Variants in CAPS2 observed in about 807,000 individuals in gnomAD.
The protein encoded by CAPS2 is calcyphosin-2.
In CAPS2, 98 loss-of-function variants were observed where a neutral mutation model predicts 86.5. The observed-to-expected ratio is 1.13, with a 90% CI of 0.96 to 1.34. CAPS2 has a LOEUF of 1.34. Ranked by LOEUF, CAPS2 falls within the 40% of genes most tolerant of loss-of-function variation. The probability of loss-of-function intolerance (pLI) is 0.00; values close to 1 mark genes in which losing one functional copy is unlikely to be tolerated. For missense variants in CAPS2, 729 were observed against 686.8 expected (o/e 1.06, Z -0.69); for synonymous variants, 210 against 225.1 (o/e 0.93, Z 0.60).
In CAPS2 at chr12:75,289,965, A is replaced by G. The variant is rs573037660; in HGVS notation, c.1241-190T>C. The stretch of plus-strand genomic sequence containing the variant: ...TTTAATCAAGAGGATTAAACATAAA[A>G]TCACATGTAAATATGCCAGAACTAT... On this transcript the variant is annotated intron_variant, in intron 13 of 16. Coordinates refer to ENST00000393284, the Ensembl canonical transcript of CAPS2. 2.6e-5 allele frequency among the ~76,000 whole-genome samples: 4 copies of G among 152,328 alleles called. No homozygotes were observed. The South Asian group carries it at 8.3e-4, about 32-fold the overall frequency.
intron 13 of CAPS2, 106 bp from the exon 14 acceptor site, chr12:75,289,881 G>A (rs1324003195): frequency 1.3e-6 from 1 of 783,084 alleles, no homozygotes; most frequent in Non-Finnish European, 2.1e-6. Flanking sequence ...CTGAAATAAG[G>A]AATGTGAATA....
intron 1 of CAPS2, chr12:75,369,616 A>C: frequency 1.0e-6 from 1 of 984,920 alleles, no homozygotes; most frequent in Non-Finnish European, 1.2e-6. Flanking sequence ...TCTGCATACA[A>C]AAAATTCAAC....
chr12:75,291,587 ATATATATATATATATATATATATATT>A (rs1205134854), intron 13 of CAPS2, among the ~76,000 whole-genome samples, 131 bp downstream of exon 13: 7 of 82,114 alleles, frequency 8.5e-5, no homozygotes, highest in South Asian at 1.0e-3. Context: ...ATATATATAT[ATATATATATATATATATATATATATT>A]CTTTTTTAAA....
intron 1 of CAPS2, among the ~76,000 whole-genome samples, chr12:75,384,570 A>C (rs923616237): frequency 6.6e-6 from 1 of 152,228 alleles, no homozygotes; most frequent in African/African-American, 2.4e-5. Context: ...ATTCTACCAA[A>C]AATTTAAAGA....
intron 15 of CAPS2, among the ~76,000 whole-genome samples, chr12:75,283,980 A>T (rs2138088048): frequency 6.6e-6 from 1 of 152,292 alleles, no homozygotes; most frequent in East Asian, 1.9e-4. Context: ...GAGCTATGAG[A>T]CAATAAATTT....
exon 17 of CAPS2, chr12:75,277,737 T>C (rs1439908101): frequency 1.2e-6 from 1 of 832,350 alleles, no homozygotes; most frequent in African/African-American, 1.8e-5. Flanking sequence ...ACAAAGTAAA[T>C]ATTTTCATTT....
Position 75,325,227 on chromosome 12 carries a change from A to C in CAPS2, c.131+12T>G, listed in dbSNP as rs1177588243. The C allele has an allele frequency of 6.5e-7, 1 of 1,548,500 alleles. No homozygotes were observed. Among genetic ancestry groups the C allele is most frequent in the Admixed American group, 2.0e-5 (1 of 50,616 alleles). On this transcript the variant is annotated intron_variant, in intron 2 of 16. Transcript: ENST00000393284. The stretch of plus-strand genomic sequence containing the variant: ...CCATTAAACAGTCCAAATGTGAAGA[A>C]ACGTAACTTACACTGGTGGGCAAGA...
chr12:75,367,631 AT>A (rs1268314253), intron 1 of CAPS2, among the ~76,000 whole-genome samples: 2 of 152,246 alleles, frequency 1.3e-5, no homozygotes, highest in South Asian at 2.1e-4. Context: ...GCCTTAAAAA[AT>A]TTAAATGCTT....
chr12:75,298,751 C>CT lies in CAPS2; in HGVS notation c.979dup (p.Ser327LysfsTer4). 1 of 1,613,730 alleles carries CT rather than the reference C, an allele frequency of 6.2e-7. No homozygotes were observed. The highest frequency in any genetic ancestry group is 1.7e-5 in the Admixed American group (1 of 59,988). ...TCGTCCACACTGATGACTATAAATGCTTTTTTGAATAAAAGGAAGCACATT... is the reference window on the plus strand; with the variant it reads ...TCGTCCACACTGATGACTATAAATGCTTTTTTTGAATAAAAGGAAGCACATT... On this transcript the variant is annotated frameshift_variant, in exon 11 of 17. Coordinates refer to ENST00000393284, the Ensembl canonical transcript of CAPS2. LOFTEE classifies it high-confidence loss of function.
chr12:75,336,827 T>C (rs1410003478), intron 1 of CAPS2, among the ~76,000 whole-genome samples: 1 of 151,868 alleles, frequency 6.6e-6, no homozygotes, highest in Non-Finnish European at 1.5e-5. Flanking sequence ...TACAAATTTT[T>C]ATCAAGTATT....
upstream of CAPS2, chr12:75,330,056 T>C: frequency 2.4e-6 from 1 of 409,062 alleles, no homozygotes; most frequent in Non-Finnish European, 4.3e-6. Context: ...GGCCCGCGTC[T>C]GCAGGTTGCC....
At chr12:75,289,597 C>A (rs762632179) in intron 14 of CAPS2, 24 bp downstream of exon 14, 5 of 1,585,104 alleles carry the variant, frequency 3.2e-6, no homozygotes, top group Middle Eastern at 1.8e-4. Context: ...TTATCTGCTG[C>A]AGAGAATTTT....
At chr12:75,338,935 T>A (rs1363487739) in intron 1 of CAPS2, among the ~76,000 whole-genome samples, 3 of 152,218 alleles carry the variant, frequency 2.0e-5, no homozygotes, top group Non-Finnish European at 4.4e-5. Flanking sequence ...TTGATCTCAT[T>A]CCTTTTTATG....
intron 5 of CAPS2, among the ~76,000 whole-genome samples, chr12:75,316,717 C>A (rs1304282651): frequency 1.3e-5 from 2 of 152,070 alleles, no homozygotes; most frequent in Admixed American, 1.3e-4. Context: ...ATGTCCAACA[C>A]TTTATAAAAA....
chr12:75,308,921 A>AG lies in CAPS2; in HGVS notation c.659+3926_659+3927insC, dbSNP rs2038832122. Reference sequence around the variant, plus strand: ...CGGTCTCAAAAAAAAAAAAAAAAAAAAAGGGGGTAAGGAGCCCCCATGGCC... The same window carrying AG: ...CGGTCTCAAAAAAAAAAAAAAAAAAAGAAGGGGGTAAGGAGCCCCCATGGCC... On this transcript the variant is annotated intron_variant, in intron 7 of 16. Transcript: ENST00000393284. Among the ~76,000 whole-genome samples, 3 of 151,256 alleles carry AG rather than the reference A, an allele frequency of 2.0e-5. 1 individual carries two copies. The South Asian group carries it at 6.2e-4, about 31-fold the overall frequency.
chr12:75,293,452 AT>A (rs2036359782), intron 11 of CAPS2, 85 bp from the exon 12 acceptor site: 1 of 852,272 alleles, frequency 1.2e-6, no homozygotes, highest in Non-Finnish European at 1.9e-6. Context: ...ATGGATTTTG[AT>A]TAATGTGACA....
At chr12:75,291,641 T>C (rs1207063185) in intron 13 of CAPS2, 103 bp downstream of exon 13, 4 of 255,832 alleles carry the variant, frequency 1.6e-5, no homozygotes, top group African/African-American at 5.2e-5. Flanking sequence ...AGGGTAAATA[T>C]AAATCAAGTG....
chr12:75,329,996 T>C (rs2041152703), upstream of CAPS2: 1 of 720,164 alleles, frequency 1.4e-6, no homozygotes, highest in Non-Finnish European at 2.3e-6. Flanking sequence ...GCGCGATTCC[T>C]CCAAAAACCG....
intron 1 of CAPS2, among the ~76,000 whole-genome samples, chr12:75,383,419 G>A (rs1277814798): frequency 1.3e-5 from 2 of 151,916 alleles, no homozygotes; most frequent in Admixed American, 6.6e-5. Context: ...TTCAAAACAA[G>A]GAAAGTTATC....
Sources: allele counts gnomAD v4.1 joint callset (sites outside exome capture counted in the v4.1 genomes callset), GRCh38; gene constraint gnomAD v4.1.1; transcripts MANE v1.5; gene names NCBI Gene and HGNC (gene_info 2026-07-23, HGNC 2026-07-21).